The following CHD5 variants were observed in gnomAD, a reference collection of about 807,000 sequenced individuals.
CHD5 encodes the protein ATP-dependent chromatin remodeler CHD5.
In CHD5, 69 loss-of-function variants were observed where a neutral mutation model predicts 230.3. That is an observed-to-expected ratio of 0.30 (90% confidence interval 0.25 to 0.37). CHD5 has a LOEUF of 0.37. Among genes scored for constraint, CHD5 ranks in the 10% least tolerant of loss-of-function variants. CHD5 has a pLI of 1.00. For synonymous variants in CHD5, 1,064 were observed against 1,065.9 expected (o/e 1.00, Z 0.03); for missense variants, 1,827 against 2,622.8 (o/e 0.70, Z 6.63).
Position 6,112,203 on chromosome 1 carries a change from T to C in CHD5, c.5077A>G (p.Lys1693Glu), listed in dbSNP as rs756114243. 13 of 1,613,986 alleles carry C rather than the reference T, an allele frequency of 8.1e-6. No homozygotes were observed. In the Admixed American group the frequency reaches 1.8e-4, roughly 23 times the overall value. The change falls in exon 35 of 42, where the codon AAG (lysine) becomes GAG (glutamate). Residue 1693 changes from lysine (K) to glutamate (E), a missense_variant. This residue lies in a region of CHD5 where 272 missense variants were observed against 263.2 expected (regional missense o/e 1.03). Transcript: ENST00000262450. ...NGDKEEDDEG[K>E]KEDKKGKFKF... ...AATTTCCCCTTCTTGTCCTCCTTCT[T>C]CCCCTCGTCATCTTCCTCTTTGTCA...
chr1:6,149,109 C>T (rs1252451427), intron 8 of CHD5, 34 bp from the exon 9 acceptor site: 3 of 1,473,338 alleles, frequency 2.0e-6, no homozygotes, highest in East Asian at 2.5e-5. Flanking sequence ...GCACCCTGGG[C>T]GGGGTCCCCG....
intron 38 of CHD5, among the ~76,000 whole-genome samples, chr1:6,107,489 TGG>T (rs1666203323): frequency 1.2e-5 from 1 of 82,892 alleles, no homozygotes; most frequent in Non-Finnish European, 2.3e-5. Context: ...GAAGGGATGA[TGG>T]ATAGATGGAG....
chr1:6,116,440 A>C (rs954170197), intron 33 of CHD5, among the ~76,000 whole-genome samples: 1 of 152,238 alleles, frequency 6.6e-6, no homozygotes, highest in Non-Finnish European at 1.5e-5. Context: ...GTCACACACA[A>C]GATAAACAAA....
At chr1:6,174,723 T>A (rs1667393686) in intron 1 of CHD5, among the ~76,000 whole-genome samples, 1 of 144,728 alleles carries the variant, frequency 6.9e-6, no homozygotes, top group Non-Finnish European at 1.5e-5. Flanking sequence ...GGTGGATGGA[T>A]GGTGAATAAG....
chr1:6,155,689 G>A lies in CHD5; in HGVS notation c.416C>T (p.Ala139Val), dbSNP rs1310465393. 3 of 1,614,010 alleles carry A rather than the reference G, an allele frequency of 1.9e-6. No homozygotes were observed. Among genetic ancestry groups the A allele is most frequent in the South Asian group, 1.1e-5 (1 of 91,060 alleles). The change falls in exon 4 of 42, where the codon GCC becomes GTC. Residue 139 changes from alanine (A) to valine (V), a missense_variant. By Grantham distance (64) the Ala-to-Val change is moderately conservative. Transcript: ENST00000262450. This position sits in a 1 kb window ranked among gnomAD's most constrained non-coding sequence, Gnocchi z 4.0. Reference protein sequence around the residue: ...KEPKSSGQLMAEWGLDDVDYL... With the variant: ...KEPKSSGQLMVEWGLDDVDYL... ...GTCCACGTCGTCCAGGCCCCACTCG[G>A]CCATGAGCTGCCCCGAGGACTTGGG...
chr1:6,134,041 G>T lies in CHD5; in HGVS notation c.3144+87C>A. 1 of 1,363,998 alleles carries T rather than the reference G, an allele frequency of 7.3e-7. No individual in the cohort carries two copies. The highest frequency in any genetic ancestry group is 1.0e-6 in the Non-Finnish European group (1 of 984,858). 84.5% of individuals were successfully genotyped at this position (1,363,998 alleles called of 1,614,324 possible). A position where few individuals can be genotyped will look rare whatever the true frequency, so the allele number is the denominator to read the frequency against. On this transcript the variant is annotated intron_variant, in intron 20 of 41. Coordinates refer to ENST00000262450, the MANE Select transcript of CHD5 (RefSeq NM_015557.3). This position sits in a 1 kb window ranked among gnomAD's most constrained non-coding sequence, Gnocchi z 6.3. ...GGAACGGCACTGGGCCCTGAGGGGT[G>T]CCAGCAAGTTTGCGCCCCCAAGCAT...
chr1:6,174,579 T>G (rs1416518334), intron 1 of CHD5, among the ~76,000 whole-genome samples: 1 of 138,802 alleles, frequency 7.2e-6, no homozygotes, highest in East Asian at 2.2e-4. Context: ...GATGGGTGGA[T>G]AGTGGATGGA....
chr1:6,149,200 GCCAGGCGTGGCC>G, intron 8 of CHD5, 34 bp downstream of exon 8: 1 of 1,516,104 alleles, frequency 6.6e-7, no homozygotes, highest in African/African-American at 1.4e-5. Context: ...GGGTGGGGGA[GCCAGGCGTGGCC>G]CCGCCCCCAG....
rs1447527013 is a variant in CHD5 at position 6,160,618 on chromosome 1, C to T, written c.208-1103G>A. On this transcript the variant is annotated intron_variant, in intron 2 of 41. Transcript: ENST00000262450. ...CGTCAGGTGAAACCTGTAATTAATGCAGCAGGCACATCACAGTTTTCTCCA... is the reference window on the plus strand; with the variant it reads ...CGTCAGGTGAAACCTGTAATTAATGTAGCAGGCACATCACAGTTTTCTCCA... Among the ~76,000 whole-genome samples, 3 of 152,288 alleles carry T rather than the reference C, an allele frequency of 2.0e-5. No individual in the cohort carries two copies. In the East Asian group the frequency reaches 5.8e-4, roughly 29 times the overall value.
Position 6,109,907 on chromosome 1 carries a change from G to A in CHD5, c.5466C>T (p.Ala1822=). 6.2e-7 allele frequency: 1 copy of A among 1,611,340 alleles called. No homozygotes were observed. Among genetic ancestry groups the A allele is most frequent in the Middle Eastern group, 1.7e-4 (1 of 6,038 alleles). ...LNMTQDPNHP[A]MALNARLAEV... ...CAGCCAGGCGGGCGTTGAGGGCCAT[G>A]GCGGGGTGGTTGGGGTCCTGCGTCA... is the stretch of plus-strand genomic sequence containing the variant. Residue 1822 remains alanine, a synonymous_variant, in exon 38 of 42, where the codon GCC becomes GCT. Coordinates refer to ENST00000262450, the MANE Select transcript of CHD5 (RefSeq NM_015557.3).
chr1:6,151,498 C>A (rs1445181589), intron 6 of CHD5, among the ~76,000 whole-genome samples: 1 of 152,222 alleles, frequency 6.6e-6, no homozygotes, highest in Non-Finnish European at 1.5e-5. Flanking sequence ...CTTCCCAGAT[C>A]TCTCCTTTAC....
intron 9 of CHD5, among the ~76,000 whole-genome samples, chr1:6,147,725 C>A (rs1350243736): frequency 1.3e-5 from 2 of 152,204 alleles, no homozygotes; most frequent in Non-Finnish European, 2.9e-5. Flanking sequence ...ATGGCCCACC[C>A]CTTCCTCCAC....
Position 6,155,264 on chromosome 1 carries a change from A to G in CHD5, c.506+335T>C, listed in dbSNP as rs984719622. On this transcript the variant is annotated intron_variant, in intron 4 of 41. Coordinates refer to ENST00000262450, the MANE Select transcript of CHD5 (RefSeq NM_015557.3). This position sits in a 1 kb window ranked among gnomAD's most constrained non-coding sequence, Gnocchi z 4.0. ...CAGGCCCTGCAAGACTTGTGGGGCC[A>G]CAGGTGGGCTACAGTGGGCCTTGGG... Among the ~76,000 whole-genome samples, 2 of 152,056 alleles carry G rather than the reference A, an allele frequency of 1.3e-5. No homozygotes were observed. The highest frequency in any genetic ancestry group is 1.5e-5 in the Non-Finnish European group (1 of 68,038).
chr1:6,166,597 G>A (rs889144773), intron 2 of CHD5, among the ~76,000 whole-genome samples: 7 of 152,138 alleles, frequency 4.6e-5, no homozygotes, highest in South Asian at 4.1e-4. Context: ...AGTCCAGGGC[G>A]GGCTCTGCCC....
intron 3 of CHD5, among the ~76,000 whole-genome samples, chr1:6,156,279 G>A (rs375879519): frequency 2.2e-4 from 34 of 151,998 alleles, no homozygotes; most frequent in African/African-American, 7.2e-4. Context: ...GCTCACGCCC[G>A]TAATCCCAAC....
chr1:6,132,943 G>A (rs1170675450), intron 20 of CHD5, among the ~76,000 whole-genome samples: 9 of 150,074 alleles, frequency 6.0e-5, no homozygotes, highest in African/African-American at 2.5e-5. Flanking sequence ...CACTCAGACT[G>A]GAGTGAAGTG....
Position 6,128,813 on chromosome 1 carries a change from A to ACGCTCCCTCGGAACAGAGG in CHD5, c.3619+6_3619+24dup, listed in dbSNP as rs1666606272. 1 of 1,589,364 alleles carries ACGCTCCCTCGGAACAGAGG rather than the reference A, an allele frequency of 6.3e-7. No individual in the cohort carries two copies. Among genetic ancestry groups the ACGCTCCCTCGGAACAGAGG allele is most frequent in the African/African-American group, 1.3e-5 (1 of 74,446 alleles). On this transcript the variant is annotated intron_variant, in intron 23 of 41. Transcript: ENST00000262450. This position sits in a 1 kb window ranked among gnomAD's most constrained non-coding sequence, Gnocchi z 7.8. ...AGCCGGGCCACCCCAGTCCCCTGCC[A>ACGCTCCCTCGGAACAGAGG]CGCTCCCTCGGAACAGAGGCCCACC...
intron 20 of CHD5, among the ~76,000 whole-genome samples, chr1:6,133,650 T>C (rs1666693063): frequency 6.6e-6 from 1 of 152,262 alleles, no homozygotes; most frequent in Admixed American, 6.5e-5. Flanking sequence ...CCTGCACCCA[T>C]GTGCCAGCAC....
In CHD5 at chr1:6,142,841, C is replaced by T. The variant is rs890150191; in HGVS notation, c.2044-236G>A. Among the ~76,000 whole-genome samples, 1 of 152,196 alleles carries T rather than the reference C, an allele frequency of 6.6e-6. No homozygotes were observed. Among genetic ancestry groups the T allele is most frequent in the Non-Finnish European group, 1.5e-5 (1 of 68,034 alleles). On this transcript the variant is annotated intron_variant, in intron 13 of 41. Coordinates refer to ENST00000262450, the MANE Select transcript of CHD5 (RefSeq NM_015557.3). The surrounding 1 kb of genome is among the most constrained non-coding windows in gnomAD (Gnocchi z 5.2). Reference sequence around the variant, plus strand: ...CCTCCCATGGCAGCCCTGTACTTCTCCTATCAGGGAAATTTCCCGACTGTT... The same window carrying T: ...CCTCCCATGGCAGCCCTGTACTTCTTCTATCAGGGAAATTTCCCGACTGTT...
Sources: allele counts gnomAD v4.1 joint callset (sites outside exome capture counted in the v4.1 genomes callset), GRCh38; gene constraint gnomAD v4.1.1; regional missense constraint gnomAD v4.1.1; non-coding constraint Gnocchi (gnomAD v3.1); transcripts MANE v1.5; gene names NCBI Gene and HGNC (gene_info 2026-07-23, HGNC 2026-07-21).